The following STK17B variants were observed in gnomAD, a reference collection of about 807,000 sequenced individuals.
The protein encoded by STK17B is serine/threonine kinase 17b, also known as serine/threonine-protein kinase 17B.
A neutral mutation model predicts 42.0 loss-of-function variants in STK17B; 21 were observed. The ratio of observed to expected loss-of-function variants is 0.50; its 90% confidence interval spans 0.35 to 0.72. The LOEUF (loss-of-function observed/expected upper bound fraction) is 0.72. Among genes scored for constraint, STK17B ranks in the 30% least tolerant of loss-of-function variants. The pLI, the probability that STK17B is intolerant of heterozygous loss-of-function variation, is 0.00. For missense variants in STK17B, 349 were observed against 446.0 expected (o/e 0.78, Z 1.96); for synonymous variants, 143 against 148.4 (o/e 0.96, Z 0.26).
intron 3 of STK17B, among the ~76,000 whole-genome samples, chr2:196,148,130 T>A (rs780798145): frequency 6.6e-6 from 1 of 152,134 alleles, no homozygotes; most frequent in Non-Finnish European, 1.5e-5. Context: ...AACTCCAAAA[T>A]AAGGTATAGA....
intron 3 of STK17B, chr2:196,154,481 T>C (rs1699712607): frequency 6.6e-6 from 1 of 152,174 alleles, no homozygotes; most frequent in Non-Finnish European, 1.5e-5. Context: ...AATATCATAA[T>C]ACCTACAACT....
In STK17B at chr2:196,136,229, A is replaced by G. The variant is rs553476439; in HGVS notation, c.*1218T>C. The G allele has an allele frequency of 2.0e-5, 3 of 152,222 alleles. No individual in the cohort carries two copies. Among genetic ancestry groups the G allele is most frequent in the Non-Finnish European group, 4.4e-5 (3 of 68,040 alleles). 9.4% of individuals were successfully genotyped at this position (152,222 alleles called of 1,614,324 possible). ...GTGAAAATTCATAAAAGATTACCCG[A>G]AAAGGACTAACTTTCCCCATCATTA... On this transcript the variant is annotated 3_prime_UTR_variant, in exon 8 of 8. Transcript: ENST00000263955.
At chr2:196,162,414 C>CT (rs57918319) in intron 2 of STK17B, among the ~76,000 whole-genome samples, 2,798 of 130,932 alleles carry the variant, frequency 0.021, 72 homozygotes, top group African/African-American at 0.067. Context: ...TCTTCTTCTT[C>CT]TTTTTTTTTT....
chr2:196,155,852 T>C (rs1699731242), intron 3 of STK17B, among the ~76,000 whole-genome samples: 1 of 152,218 alleles, frequency 6.6e-6, no homozygotes, highest in African/African-American at 2.4e-5. Context: ...GGGGGTGTTT[T>C]CACTTTTTCA....
intron 3 of STK17B, among the ~76,000 whole-genome samples, chr2:196,148,215 C>A (rs143846170): frequency 6.6e-6 from 1 of 152,140 alleles, no homozygotes; most frequent in African/African-American, 2.4e-5. Flanking sequence ...AATTAATATA[C>A]ACACTGCCTA....
At chr2:196,146,428 T>C (rs2105686513) in intron 3 of STK17B, among the ~76,000 whole-genome samples, 1 of 152,172 alleles carries the variant, frequency 6.6e-6, no homozygotes, top group South Asian at 2.1e-4. Context: ...CACTTGAACC[T>C]GGGAGGCAAA....
At chr2:196,140,577 C>CTTTTTTTTTT (rs58205758) in intron 6 of STK17B, among the ~76,000 whole-genome samples, 1 of 101,472 alleles carries the variant, frequency 9.9e-6, no homozygotes, top group Admixed American at 1.2e-4. Context: ...CTTCTTCTAG[C>CTTTTTTTTTT]TTTTTTTTTT....
Position 196,169,222 on chromosome 2 carries a change from C to G in STK17B, c.-45+2111G>C, listed in dbSNP as rs567018934. 2.0e-5 allele frequency among the ~76,000 whole-genome samples: 3 copies of G among 151,944 alleles called. No individual in the cohort carries two copies. The South Asian group carries it at 6.2e-4, about 32-fold the overall frequency. ...TCCCGAGTAGCTGGGACTACAGGCG[C>G]GCGCCACAATGCCCGGCTAATTTTT... On this transcript the variant is annotated intron_variant, in intron 1 of 7. Coordinates refer to ENST00000263955, the MANE Select transcript of STK17B (RefSeq NM_004226.4).
At chr2:196,152,165 G>C (rs957005956) in intron 3 of STK17B, among the ~76,000 whole-genome samples, 7 of 150,180 alleles carry the variant, frequency 4.7e-5, no homozygotes, top group African/African-American at 1.7e-4. Flanking sequence ...GGCGCGTAGT[G>C]GTGCGATCTC....
chr2:196,160,556 T>C (rs1374006348), intron 2 of STK17B, among the ~76,000 whole-genome samples: 1 of 152,184 alleles, frequency 6.6e-6, no homozygotes, highest in African/African-American at 2.4e-5. Flanking sequence ...GAAGAAATGA[T>C]TATGATTCTA....
chr2:196,137,541 T>G lies in STK17B; in HGVS notation c.1025A>C (p.Asn342Thr). The change falls in exon 8 of 8, where the codon AAT (asparagine) becomes ACT (threonine). Residue 342 changes from asparagine (N) to threonine (T), a missense_variant. Asn to Thr is a moderately conservative substitution (Grantham distance 65). Transcript: ENST00000263955. ...AACCATGCTGCTATCCTCTGGGATA[T>G]TCTCTTTGTCTTCTCTATCACCACA... ...GTCGDREDKE[N>T]IPEDSSMVSK... 2 of 1,614,154 alleles carry G rather than the reference T, an allele frequency of 1.2e-6. No individual in the cohort carries two copies. The highest frequency in any genetic ancestry group is 1.7e-6 in the Non-Finnish European group (2 of 1,179,998).
In STK17B at chr2:196,138,724, T is replaced by C. The variant is rs527439401; in HGVS notation, c.836+896A>G. On this transcript the variant is annotated intron_variant, in intron 7 of 7. Coordinates refer to ENST00000263955, the MANE Select transcript of STK17B (RefSeq NM_004226.4). ...CTGAGTAGCTGGAACTATAGGTGCA[T>C]GCCACCATGCCCGGCTAACTTTTGT... 6.9e-4 allele frequency among the ~76,000 whole-genome samples: 105 copies of C among 152,136 alleles called. 1 individual carries two copies. The highest frequency in any genetic ancestry group is 2.8e-4 in the Non-Finnish European group (19 of 67,992).
chr2:196,147,756 G>C (rs1416923271), intron 3 of STK17B, among the ~76,000 whole-genome samples: 1 of 135,924 alleles, frequency 7.4e-6, no homozygotes, highest in African/African-American at 2.7e-5. Context: ...TTTTTGAGAT[G>C]GAGTTTCACT....
At chr2:196,145,504 T>C (rs549104439) in intron 4 of STK17B, among the ~76,000 whole-genome samples, 1 of 152,140 alleles carries the variant, frequency 6.6e-6, no homozygotes, top group East Asian at 1.9e-4. Context: ...CAAAAATGAA[T>C]GAAGGTAATA....
intron 3 of STK17B, chr2:196,154,477 A>G (rs1316577763): frequency 6.6e-6 from 1 of 152,260 alleles, no homozygotes; most frequent in African/African-American, 2.4e-5. Context: ...AAGGAATATC[A>G]TAATACCTAC....
rs183628445 is a variant in STK17B at position 196,144,348 on chromosome 2, G to A, written c.481-662C>T. 5.3e-5 allele frequency among the ~76,000 whole-genome samples: 8 copies of A among 151,534 alleles called. No individual in the cohort carries two copies. The East Asian group carries it at 7.7e-4, about 15-fold the overall frequency. On this transcript the variant is annotated intron_variant, in intron 4 of 7. Coordinates refer to ENST00000263955, the MANE Select transcript of STK17B (RefSeq NM_004226.4). Reference sequence around the variant, plus strand: ...TACTAAAAATACAAAAAAATCAGGCGTGGTGGCAGGCACCTGTAGTCCCAG... The same window carrying A: ...TACTAAAAATACAAAAAAATCAGGCATGGTGGCAGGCACCTGTAGTCCCAG...
chr2:196,172,012 A>G (rs1158163311), upstream of STK17B, among the ~76,000 whole-genome samples: 1 of 152,110 alleles, frequency 6.6e-6, no homozygotes, highest in Non-Finnish European at 1.5e-5. Flanking sequence ...CCTACCAAAG[A>G]CCTATTTTCT....
At chr2:196,164,486 T>C (rs1699853058) in intron 1 of STK17B, among the ~76,000 whole-genome samples, 1 of 152,210 alleles carries the variant, frequency 6.6e-6, no homozygotes, top group South Asian at 2.1e-4. Flanking sequence ...CATAAAACAA[T>C]AACAGATACT....
intron 3 of STK17B, among the ~76,000 whole-genome samples, chr2:196,150,761 TAA>T (rs3842567): frequency 6.6e-6 from 1 of 152,308 alleles, no homozygotes; most frequent in East Asian, 1.9e-4. Context: ...ATTTGAATAT[TAA>T]GAGTCTCTTT....
Sources: allele counts gnomAD v4.1 joint callset (sites outside exome capture counted in the v4.1 genomes callset), GRCh38; gene constraint gnomAD v4.1.1; transcripts MANE v1.5; gene names NCBI Gene and HGNC (gene_info 2026-07-23, HGNC 2026-07-21).